Variants in BCLAF3 observed in about 807,000 individuals in gnomAD.
BCLAF3 encodes BCLAF1 and THRAP3 family member 3, also known as transient octamer binding factor 1.
In BCLAF3, 24 loss-of-function variants were observed where a neutral mutation model predicts 51.2. The ratio of observed to expected loss-of-function variants is 0.47; its 90% confidence interval spans 0.34 to 0.66. The LOEUF is 0.66. BCLAF3 is among the 30% of genes least tolerant of loss of function. BCLAF3 has a pLI of 0.01. For missense variants in BCLAF3, 465 were observed against 525.1 expected, an observed-to-expected ratio of 0.89 and a Z score of 1.12; for synonymous variants, 152 against 176.6, an observed-to-expected ratio of 0.86 and a Z score of 1.10.
At chrX:19,987,151 G>C (rs1195161603) in intron 1 of BCLAF3, among the ~76,000 whole-genome samples, 1 of 110,624 alleles carries the variant, frequency 9.0e-6, no homozygotes, top group Non-Finnish European at 1.9e-5. Context: ...CTGGCATTAG[G>C]GATCTAAAGT....
chrX:19,963,123 A>T (rs1603329123), intron 4 of BCLAF3, among the ~76,000 whole-genome samples: 1 of 109,014 alleles, frequency 9.2e-6, no homozygotes, highest in East Asian at 2.9e-4. Flanking sequence ...TATGTATGTT[A>T]TATGTTATAT....
rs1428387742 is a variant in BCLAF3 at position 19,929,861 on chromosome X, T to C, written c.2030A>G (p.Tyr677Cys). The change falls in exon 11 of 12, where the codon TAT becomes TGT. Residue 677 changes from tyrosine to cysteine, a missense_variant. Physicochemically the swap from Tyr to Cys is radical, Grantham distance 194 (BLOSUM62 -2). Transcript: ENST00000379682. ...VQKSLYIQAK[Y>C]QRLRFTGPRG... Reference sequence around the variant, plus strand: ...TGGGCCAGTGAACCGTAAACGCTGATACTTAGCCTGAATGTACAAGCTCTT... The same window carrying C: ...TGGGCCAGTGAACCGTAAACGCTGACACTTAGCCTGAATGTACAAGCTCTT... 1 of 1,211,163 alleles carries C rather than the reference T, an allele frequency of 8.3e-7. No homozygotes were observed. The highest frequency in any genetic ancestry group is 3.0e-5 in the East Asian group (1 of 33,829).
chrX:19,988,278 T>G (rs773943089), intron 1 of BCLAF3, among the ~76,000 whole-genome samples: 9 of 112,519 alleles, frequency 8.0e-5, no homozygotes, highest in African/African-American at 2.9e-4. Context: ...TTGTGCAGAT[T>G]CATTCACTCA....
At chrX:19,969,404 C>T (rs954070720) in intron 2 of BCLAF3, among the ~76,000 whole-genome samples, 4 of 112,070 alleles carry the variant, frequency 3.6e-5, no homozygotes, top group African/African-American at 9.7e-5. Context: ...ATTTACAGCT[C>T]GGTGCCTTTG....
intron 2 of BCLAF3, 111 bp from the exon 3 acceptor site, chrX:19,966,760 A>T: frequency 1.6e-6 from 1 of 608,756 alleles, no homozygotes; most frequent in Admixed American, 3.7e-5. Flanking sequence ...TCTTCCACTC[A>T]AACTAAATTC....
chrX:19,941,412 G>A (rs1388751332), intron 8 of BCLAF3, among the ~76,000 whole-genome samples: 104 of 101,308 alleles, frequency 1.0e-3, no homozygotes, highest in Admixed American at 3.0e-3. Flanking sequence ...TAGGTCTAAC[G>A]TTTAAATCTT....
rs867571111 is a variant in BCLAF3 at position 19,929,897 on chromosome X, C to T, written c.1994G>A (p.Gly665Asp). The change falls in exon 11 of 12, where the codon GGC (glycine) becomes GAC (aspartate). Residue 665 changes from glycine to aspartate, a missense_variant. Physicochemically the swap from Gly to Asp is moderately conservative, Grantham distance 94. Transcript: ENST00000379682. ...AATGTACAAGCTCTTCTGTACCAGG[C>T]CTGATTTATAATTGGGCTGGCATCT... Reference protein sequence around the residue: ...GGRCQPNYKSGLVQKSLYIQA... With the variant: ...GGRCQPNYKSDLVQKSLYIQA... The T allele has an allele frequency of 2.5e-6, 3 of 1,207,326 alleles. No individual in the cohort carries two copies. Among genetic ancestry groups the T allele is most frequent in the East Asian group, 3.0e-5 (1 of 33,654 alleles).
Position 19,954,057 on chromosome X carries a change from G to A in BCLAF3, c.1451-165C>T, listed in dbSNP as rs1041107764. 6.5e-5 allele frequency: 49 copies of A among 752,348 alleles called. No homozygotes were observed. In the East Asian group the frequency reaches 1.1e-3, roughly 16 times the overall value. The allele number at this position is 752,348 out of a possible 1,213,427, so 62.0% of individuals were successfully genotyped here. A position where few individuals can be genotyped will look rare whatever the true frequency, so the allele number is the denominator to read the frequency against. On this transcript the variant is annotated intron_variant, in intron 5 of 11. Coordinates refer to ENST00000379682, the MANE Select transcript of BCLAF3 (RefSeq NM_001367774.2). ...TCACAGACTAATTTGTAGCGCTCAC[G>A]TGCCTTCCCAAGCCCAAACAAGAGT...
chrX:19,940,499 C>G (rs2070980176), intron 8 of BCLAF3, among the ~76,000 whole-genome samples: 1 of 110,364 alleles, frequency 9.1e-6, no homozygotes, highest in South Asian at 3.8e-4. Flanking sequence ...CAATTCCCAC[C>G]TATGAGTGAG....
chrX:19,950,244 C>A (rs1173767561), intron 8 of BCLAF3, among the ~76,000 whole-genome samples: 2 of 111,857 alleles, frequency 1.8e-5, no homozygotes, highest in Non-Finnish European at 3.8e-5. Context: ...TTCTACTACA[C>A]CTGCCTCAAT....
At chrX:19,921,318 A>G (rs2070150589) in intron 11 of BCLAF3, among the ~76,000 whole-genome samples, 1 of 112,529 alleles carries the variant, frequency 8.9e-6, no homozygotes, top group South Asian at 3.6e-4. Context: ...TCAGGGATAC[A>G]TAAGAATGCA....
intron 8 of BCLAF3, among the ~76,000 whole-genome samples, chrX:19,947,368 C>A (rs1027685138): frequency 7.1e-5 from 8 of 112,316 alleles, no homozygotes; most frequent in Non-Finnish European, 7.5e-5. Flanking sequence ...CAAAACAACT[C>A]ATTTACATTG....
rs1481158966 is a variant in BCLAF3 at position 19,913,266 on chromosome X, G to A, written c.*4039C>T. On this transcript the variant is annotated 3_prime_UTR_variant, in exon 12 of 12. Transcript: ENST00000379682. Reference sequence around the variant, plus strand: ...TTTATGTATTTTTATTAGAGATGGGGTTTCACCATATTGGCCAGGCTGGTC... The same window carrying A: ...TTTATGTATTTTTATTAGAGATGGGATTTCACCATATTGGCCAGGCTGGTC... 9.0e-6 allele frequency: 1 copy of A among 111,210 alleles called. No homozygotes were observed. Among genetic ancestry groups the A allele is most frequent in the Non-Finnish European group, 1.9e-5 (1 of 53,042 alleles). The allele number at this position is 111,210 out of a possible 1,213,427, so 9.2% of individuals were successfully genotyped here.
chrX:19,938,840 G>C, intron 8 of BCLAF3, among the ~76,000 whole-genome samples: 1 of 112,798 alleles, frequency 8.9e-6, no homozygotes, highest in African/African-American at 3.2e-5. Context: ...CTTCAAGGAA[G>C]AGTTTCCTAA....
At chrX:19,977,142 C>G (rs769999443) in intron 1 of BCLAF3, among the ~76,000 whole-genome samples, 1 of 111,141 alleles carries the variant, frequency 9.0e-6, no homozygotes, top group Non-Finnish European at 1.9e-5. Flanking sequence ...CTCCCTACTC[C>G]CTGAGACACA....
chrX:19,983,597 C>A (rs754709282), intron 1 of BCLAF3, among the ~76,000 whole-genome samples: 2 of 110,704 alleles, frequency 1.8e-5, no homozygotes, highest in African/African-American at 6.6e-5. Context: ...CGCCTACGGT[C>A]CCAGCTACTC....
intron 4 of BCLAF3, among the ~76,000 whole-genome samples, chrX:19,960,049 G>A (rs951874251): frequency 8.1e-5 from 9 of 111,767 alleles, no homozygotes; most frequent in Non-Finnish European, 1.5e-4. Flanking sequence ...GCCTGCCTCA[G>A]CCTCCCAAAG....
rs1569496982 is a variant in BCLAF3 at position 19,912,907 on chromosome X, T to C, written c.*4398A>G. ...TTTATAAAAATGATACAACATTCATTATATTTGATAGATACAGAAGAGTAC... is the reference window on the plus strand; with the variant it reads ...TTTATAAAAATGATACAACATTCATCATATTTGATAGATACAGAAGAGTAC... On this transcript the variant is annotated 3_prime_UTR_variant, in exon 12 of 12. Transcript: ENST00000379682. 2 of 111,292 alleles carry C rather than the reference T, an allele frequency of 1.8e-5. No individual in the cohort carries two copies. Among genetic ancestry groups the C allele is most frequent in the African/African-American group, 6.5e-5 (2 of 30,535 alleles). The allele number at this position is 111,292 out of a possible 1,213,427, so 9.2% of individuals were successfully genotyped here.
chrX:19,981,474 C>T (rs762171415), intron 1 of BCLAF3, among the ~76,000 whole-genome samples: 1 of 112,110 alleles, frequency 8.9e-6, no homozygotes, highest in Admixed American at 9.5e-5. Context: ...AACCCTCACA[C>T]ATTCCTGGTA....
Sources: gnomAD v4.1 joint callset for allele counts (sites outside exome capture counted in the v4.1 genomes callset) on GRCh38, gnomAD v4.1.1 for gene constraint, MANE v1.5 for transcripts, NCBI Gene and HGNC (gene_info 2026-07-23, HGNC 2026-07-21) for gene names.